LHFPL2: variants seen among roughly 807,000 people sequenced by gnomAD.
LHFPL2 encodes LHFPL tetraspan subfamily member 2, also known as LHFPL tetraspan subfamily member 2 protein.
In LHFPL2, 7 loss-of-function variants were observed where a neutral mutation model predicts 17.5. That is an observed-to-expected ratio of 0.40 (90% CI 0.23 to 0.75). The LOEUF (loss-of-function observed/expected upper bound fraction) is 0.75. Ranked by LOEUF, LHFPL2 falls within the 30% of genes least tolerant of loss-of-function variation. The pLI is 0.37. For missense variants in LHFPL2, 241 were observed against 294.8 expected (o/e 0.82, Z 1.34); for synonymous variants, 134 against 116.2 (o/e 1.15, Z -0.99).
At chr5:78,633,872 C>A (rs1459431872) in intron 1 of LHFPL2, among the ~76,000 whole-genome samples, 1 of 152,064 alleles carries the variant, frequency 6.6e-6, no homozygotes, top group Non-Finnish European at 1.5e-5. Context: ...AGACATTTCT[C>A]CTCCCACCTA....
intron 2 of LHFPL2, among the ~76,000 whole-genome samples, chr5:78,593,802 C>T (rs1743729869): frequency 6.6e-6 from 1 of 152,138 alleles, no homozygotes; most frequent in Non-Finnish European, 1.5e-5. Context: ...TCTATGAAGG[C>T]CTCACTCACA....
chr5:78,489,434 C>T (rs1165378178), intron 4 of LHFPL2, among the ~76,000 whole-genome samples: 1 of 152,206 alleles, frequency 6.6e-6, no homozygotes, highest in Non-Finnish European at 1.5e-5. Flanking sequence ...AAGACAGAGT[C>T]TCAATCTGTT....
chr5:78,550,104 G>A (rs1756397408), intron 3 of LHFPL2, among the ~76,000 whole-genome samples: 1 of 152,166 alleles, frequency 6.6e-6, no homozygotes, highest in African/African-American at 2.4e-5. Flanking sequence ...ATAACCCATA[G>A]TGGATCAGGA....
rs555602231 is a variant in LHFPL2, at chr5:78,644,186, A to G, written c.-350+4313T>C. The G allele has an allele frequency of 4.9e-5, 28 of 575,550 alleles. No homozygotes were observed. In the African/African-American group the frequency reaches 5.3e-4, roughly 11 times the overall value. The allele number at this position is 575,550 out of a possible 1,614,324, so 35.7% of individuals were successfully genotyped here. On this transcript the variant is annotated intron_variant, in intron 1 of 4. Transcript: ENST00000380345. The stretch of plus-strand genomic sequence containing the variant: ...CAATTGTTACATAGTCTTCCATTTC[A>G]ATTTCTTTAAAAGAAGTGAAATGCA...
chr5:78,535,005 A>G (rs1229848583), intron 3 of LHFPL2, among the ~76,000 whole-genome samples: 3 of 152,248 alleles, frequency 2.0e-5, no homozygotes, highest in African/African-American at 7.2e-5. Flanking sequence ...TTTTGTCATA[A>G]GCTGAACAAG....
chr5:78,547,545 C>A (rs779559922), intron 3 of LHFPL2, among the ~76,000 whole-genome samples: 7 of 152,218 alleles, frequency 4.6e-5, no homozygotes, highest in Non-Finnish European at 1.0e-4. Flanking sequence ...TCTATCAAAA[C>A]CTCACCAAAA....
chr5:78,585,001 T>TG (rs1561352378), intron 2 of LHFPL2, among the ~76,000 whole-genome samples: 1 of 48,846 alleles, frequency 2.0e-5, no homozygotes, highest in Non-Finnish European at 5.6e-5. Flanking sequence ...CTGTGTTTTT[T>TG]TTTTTTTTTT....
chr5:78,635,503 A>G (rs1745405851), intron 1 of LHFPL2, among the ~76,000 whole-genome samples: 1 of 152,348 alleles, frequency 6.6e-6, no homozygotes, highest in African/African-American at 2.4e-5. Context: ...AACCAAACTG[A>G]CTTTAAAAAA....
intron 2 of LHFPL2, among the ~76,000 whole-genome samples, chr5:78,615,994 C>T (rs1237324506): frequency 6.6e-6 from 1 of 152,094 alleles, no homozygotes; most frequent in East Asian, 1.9e-4. Context: ...AACAGTTGCA[C>T]TCTCTTCTGC....
chr5:78,578,585 GCACACACACACA>G (rs61127481), intron 2 of LHFPL2, among the ~76,000 whole-genome samples: 4 of 146,892 alleles, frequency 2.7e-5, no homozygotes, highest in Non-Finnish European at 4.5e-5. Flanking sequence ...TTGCATATGT[GCACACACACACA>G]CACACACACA....
At chr5:78,644,484 C>A in intron 1 of LHFPL2, 1 of 615,410 alleles carries the variant, frequency 1.6e-6, no homozygotes, top group East Asian at 2.9e-5. Context: ...TACAACTCAC[C>A]AATGGTAGGC....
At chr5:78,643,297 A>C (rs1012868030) in intron 1 of LHFPL2, among the ~76,000 whole-genome samples, 2 of 152,246 alleles carry the variant, frequency 1.3e-5, no homozygotes, top group African/African-American at 2.4e-5. Flanking sequence ...AAAACCTTGA[A>C]GGTGCATGAT....
intron 2 of LHFPL2, among the ~76,000 whole-genome samples, chr5:78,567,787 T>C (rs984611402): frequency 1.3e-5 from 2 of 152,066 alleles, no homozygotes; most frequent in African/African-American, 4.8e-5. Flanking sequence ...AACTATATAA[T>C]GCAAGCAGGA....
intron 4 of LHFPL2, among the ~76,000 whole-genome samples, chr5:78,496,007 G>A (rs1754594495): frequency 6.6e-6 from 1 of 152,148 alleles, no homozygotes; most frequent in South Asian, 2.1e-4. Flanking sequence ...TCATTCCAAT[G>A]CAAATGTTGC....
chr5:78,530,330 T>C (rs1035842387), intron 3 of LHFPL2, among the ~76,000 whole-genome samples: 16 of 152,226 alleles, frequency 1.1e-4, no homozygotes, highest in African/African-American at 3.9e-4. Flanking sequence ...TGGTTTCACA[T>C]ATACATGTGG....
chr5:78,485,632 C>G lies in LHFPL2; in HGVS notation c.*3265G>C, dbSNP rs756556137. ...AGGTCTGTTCTAAGCCAGACTCTTA[C>G]AGCTAAGGAGGTGTGAGATTAGCCC... On this transcript the variant is annotated 3_prime_UTR_variant, in exon 5 of 5. Transcript: ENST00000380345. The G allele has an allele frequency of 6.6e-6, 1 of 152,602 alleles. No individual in the cohort carries two copies. The highest frequency in any genetic ancestry group is 1.5e-5 in the Non-Finnish European group (1 of 68,040). 9.5% of individuals were successfully genotyped at this position (152,602 alleles called of 1,614,324 possible). A position where few individuals can be genotyped will look rare whatever the true frequency, so the allele number is the denominator to read the frequency against.
chr5:78,495,167 T>C (rs1219664488), intron 4 of LHFPL2, among the ~76,000 whole-genome samples: 1 of 152,212 alleles, frequency 6.6e-6, no homozygotes, highest in Non-Finnish European at 1.5e-5. Flanking sequence ...AAGGTGACCA[T>C]GTCAGTCTCA....
intron 4 of LHFPL2, among the ~76,000 whole-genome samples, chr5:78,500,493 G>C (rs1218019917): frequency 6.6e-6 from 1 of 152,072 alleles, no homozygotes; most frequent in African/African-American, 2.4e-5. Flanking sequence ...ACCGAGGGTT[G>C]GGGGGAGGCA....
chr5:78,591,013 C>G (rs1410676583), intron 2 of LHFPL2, among the ~76,000 whole-genome samples: 1 of 146,658 alleles, frequency 6.8e-6, no homozygotes, highest in East Asian at 1.9e-4. Flanking sequence ...CCAAATATTT[C>G]TATTTTTTTG....
Sources: allele counts gnomAD v4.1 joint callset (sites outside exome capture counted in the v4.1 genomes callset), GRCh38; gene constraint gnomAD v4.1.1; transcripts MANE v1.5; gene names NCBI Gene and HGNC (gene_info 2026-07-23, HGNC 2026-07-21).